The following STEEP1 variants were observed in gnomAD, a reference collection of about 807,000 sequenced individuals.
STEEP1 encodes the protein STING ER exit protein.
STEEP1 carries 3 observed loss-of-function variants against 19.2 expected under a neutral mutation model. The observed-to-expected ratio is 0.16, with a 90% CI of 0.07 to 0.40. The LOEUF (loss-of-function observed/expected upper bound fraction) is 0.40. Among genes scored for constraint, STEEP1 ranks in the 10% least tolerant of loss-of-function variants. STEEP1 has a pLI of 0.99. For missense variants in STEEP1, 54 were observed against 177.1 expected, an observed-to-expected ratio of 0.30 and a Z score of 3.94; for synonymous variants, 46 against 63.7, an observed-to-expected ratio of 0.72 and a Z score of 1.32.
intron 6 of STEEP1, among the ~76,000 whole-genome samples, chrX:119,540,298 T>C (rs1447667159): frequency 1.8e-5 from 2 of 112,198 alleles, no homozygotes; most frequent in Admixed American, 1.9e-4. Flanking sequence ...TTCATTTTTA[T>C]TGTATTTTAT....
chrX:119,562,402 G>C (rs1381153123), intron 1 of STEEP1, among the ~76,000 whole-genome samples: 1 of 110,834 alleles, frequency 9.0e-6, no homozygotes, highest in Non-Finnish European at 1.9e-5. Flanking sequence ...GCATGGTGGT[G>C]CATGCCTGTA....
chrX:119,552,903 C>T (rs996366477), intron 2 of STEEP1, among the ~76,000 whole-genome samples: 2 of 111,535 alleles, frequency 1.8e-5, no homozygotes, highest in East Asian at 5.6e-4. Flanking sequence ...TGGCTCACAC[C>T]TGTAATCCCA....
At chrX:119,559,611 T>C (rs2053307097) in intron 2 of STEEP1, among the ~76,000 whole-genome samples, 1 of 111,803 alleles carries the variant, frequency 8.9e-6, no homozygotes, top group Non-Finnish European at 1.9e-5. Context: ...AGTCATGAGC[T>C]CTTTAATGGT....
intron 2 of STEEP1, among the ~76,000 whole-genome samples, chrX:119,554,527 C>T (rs1224419566): frequency 8.9e-6 from 1 of 111,792 alleles, no homozygotes; most frequent in Non-Finnish European, 1.9e-5. Flanking sequence ...TACTAACACC[C>T]TTGTATAGTC....
rs1569402079 is a variant in STEEP1 at position 119,560,255 on chromosome X, A to G, written c.242+13T>C. The G allele has an allele frequency of 8.9e-7, 1 of 1,120,201 alleles. No individual in the cohort carries two copies. The highest frequency in any genetic ancestry group is 1.8e-5 in the South Asian group (1 of 54,829). 92.3% of individuals were successfully genotyped at this position (1,120,201 alleles called of 1,213,427 possible). On this transcript the variant is annotated intron_variant, in intron 2 of 6. Coordinates refer to ENST00000644802, the MANE Select transcript of STEEP1 (RefSeq NM_022101.4). ...AATAGGGAAATCCTAAACAGGGAGC[A>G]TCAACCTCTTACCTCCGCAGATACA...
At chrX:119,548,566 TA>T (rs1195305055) in intron 2 of STEEP1, among the ~76,000 whole-genome samples, 1 of 99,822 alleles carries the variant, frequency 1.0e-5, no homozygotes. Flanking sequence ...AGACAAAAAT[TA>T]AATGTTAGGG....
intron 2 of STEEP1, among the ~76,000 whole-genome samples, chrX:119,555,133 A>C (rs1182814691): frequency 9.1e-6 from 1 of 109,603 alleles, no homozygotes; most frequent in Non-Finnish European, 1.9e-5. Flanking sequence ...ACTTCAGATG[A>C]CTGTTTACAT....
chrX:119,547,361 G>C (rs1043171295), intron 2 of STEEP1, among the ~76,000 whole-genome samples: 1 of 111,816 alleles, frequency 8.9e-6, no homozygotes, highest in African/African-American at 3.2e-5. Context: ...TATAGAAGTT[G>C]AACCAATTTA....
rs34447220 is a variant in STEEP1 at position 119,539,530 on chromosome X, C to CAA, written c.*195_*196dup. ...TGGGCGAAAGAGCAAGACTTTATCT[C>CAA]AAAAAAAAAAAAAAAAAAAAGAAAG... On this transcript the variant is annotated 3_prime_UTR_variant, in exon 7 of 7. Transcript: ENST00000644802. 8.7e-4 allele frequency: 264 copies of CAA among 304,167 alleles called. 1 individual carries two copies. The highest frequency in any genetic ancestry group is 3.8e-3 in the African/African-American group (109 of 28,947). 25.1% of individuals were successfully genotyped at this position (304,167 alleles called of 1,213,427 possible). A position where few individuals can be genotyped will look rare whatever the true frequency, so the allele number is the denominator to read the frequency against.
At chrX:119,554,122 T>C (rs769327709) in intron 2 of STEEP1, among the ~76,000 whole-genome samples, 2 of 112,085 alleles carry the variant, frequency 1.8e-5, no homozygotes, top group South Asian at 3.7e-4. Flanking sequence ...ATATATGAGA[T>C]AGGGAAGACT....
intron 2 of STEEP1, among the ~76,000 whole-genome samples, chrX:119,556,657 G>A (rs1603306601): frequency 9.0e-6 from 1 of 110,528 alleles, no homozygotes; most frequent in Non-Finnish European, 1.9e-5. Context: ...GTAGAGAAAT[G>A]ATAAGTTTGG....
intron 2 of STEEP1, among the ~76,000 whole-genome samples, chrX:119,550,139 T>C (rs754637559): frequency 3.5e-4 from 39 of 112,428 alleles, no homozygotes; most frequent in Non-Finnish European, 5.6e-4. Context: ...GCAATATTCC[T>C]CGAATGAATT....
intron 5 of STEEP1, among the ~76,000 whole-genome samples, chrX:119,542,050 C>CTTTTTTT (rs2053165080): frequency 3.7e-5 from 2 of 53,798 alleles, no homozygotes; most frequent in African/African-American, 6.5e-5. Flanking sequence ...AGTTTCTTTT[C>CTTTTTTT]TTTTCTTTTT....
intron 2 of STEEP1, among the ~76,000 whole-genome samples, chrX:119,552,885 G>C (rs1255416613): frequency 1.8e-5 from 2 of 111,628 alleles, no homozygotes; most frequent in Non-Finnish European, 3.8e-5. Context: ...AATCTCGGCT[G>C]GGTGTGGTGG....
chrX:119,558,483 G>C (rs978654307), intron 2 of STEEP1, among the ~76,000 whole-genome samples: 4 of 111,457 alleles, frequency 3.6e-5, no homozygotes, highest in Non-Finnish European at 5.7e-5. Flanking sequence ...CTTGCAGTGA[G>C]CCGAGATCGC....
Position 119,544,479 on chromosome X carries a change from C to T in STEEP1, c.297G>A (p.Pro99=), listed in dbSNP as rs1371907759. 3 of 1,207,820 alleles carry T rather than the reference C, an allele frequency of 2.5e-6. No homozygotes were observed. Among genetic ancestry groups the T allele is most frequent in the African/African-American group, 3.5e-5 (2 of 57,232 alleles). The change falls in exon 4 of 7, where the codon CCG becomes CCA. Residue 99 remains proline (P), a synonymous_variant. Coordinates refer to ENST00000644802, the MANE Select transcript of STEEP1 (RefSeq NM_022101.4). ...TCTTTGGCTGGGATTGGTAGAAGAGCGGCAGTCCACACCTGCAATGACACA... is the reference window on the plus strand; with the variant it reads ...TCTTTGGCTGGGATTGGTAGAAGAGTGGCAGTCCACACCTGCAATGACACA... ...YRKKCAKCGL[P]LFYQSQPKNA... is the part of the protein sequence containing the mutation.
intron 2 of STEEP1, among the ~76,000 whole-genome samples, chrX:119,558,920 T>TA (rs778628340): frequency 1.8e-5 from 2 of 110,605 alleles, no homozygotes; most frequent in South Asian, 3.7e-4. Context: ...CACCCCTGCT[T>TA]AAAAAACAGA....
rs1473961837 is a variant in STEEP1 at position 119,545,493 on chromosome X, A to G, written c.254T>C (p.Ile85Thr). The G allele has an allele frequency of 8.5e-7, 1 of 1,180,738 alleles. No individual in the cohort carries two copies. Among genetic ancestry groups the G allele is most frequent in the South Asian group, 1.8e-5 (1 of 56,335 alleles). ...ACATTTCTTCCTGTACTGTCGTTCA[A>G]TGCCTTCAGGTCTGCACAGAAAATG... is the stretch of plus-strand genomic sequence containing the variant. Reference protein sequence around the residue: ...ETMYLRRPEGIERQYRKKCAK... With the variant: ...ETMYLRRPEGTERQYRKKCAK... The change falls in exon 3 of 7, where the codon ATT (isoleucine) becomes ACT (threonine). Residue 85 changes from isoleucine (I) to threonine (T), a missense_variant. Physicochemically the swap from Ile to Thr is moderately conservative, Grantham distance 89. Around this residue, in one of 2 missense-constraint regions of STEEP1, gnomAD observed 47 missense variants for 118.5 expected, o/e 0.40. Transcript: ENST00000644802.
At chrX:119,554,437 TTCATC>T (rs936750154) in intron 2 of STEEP1, among the ~76,000 whole-genome samples, 1 of 110,690 alleles carries the variant, frequency 9.0e-6, no homozygotes, top group African/African-American at 3.3e-5. Context: ...AGAGTGAGAC[TTCATC>T]TCAAGAAAAA....
Sources: allele counts gnomAD v4.1 joint callset (sites outside exome capture counted in the v4.1 genomes callset), GRCh38; gene constraint gnomAD v4.1.1; regional missense constraint gnomAD v4.1.1; transcripts MANE v1.5; gene names NCBI Gene and HGNC (gene_info 2026-07-23, HGNC 2026-07-21).